Variants in NELL2 observed in about 807,000 individuals in gnomAD.
NELL2 encodes protein kinase C-binding protein NELL2.
NELL2 carries 41 observed loss-of-function variants against 109.6 expected under a neutral mutation model. The observed-to-expected ratio is 0.37, with a 90% CI of 0.29 to 0.49. The LOEUF is 0.49. NELL2 is among the 20% of genes least tolerant of loss of function. The pLI is 0.98. For missense variants in NELL2, 900 were observed against 1,008.3 expected, an observed-to-expected ratio of 0.89 and a Z score of 1.45; for synonymous variants, 355 against 344.7, an observed-to-expected ratio of 1.03 and a Z score of -0.33.
chr12:44,513,448 T>C (rs1941090557), intron 19 of NELL2, among the ~76,000 whole-genome samples: 2 of 151,742 alleles, frequency 1.3e-5, no homozygotes, highest in Non-Finnish European at 2.9e-5. Context: ...GAATGGAAAA[T>C]GACTCGAAGA....
At chr12:44,731,771 A>C (rs1939383004) in intron 9 of NELL2, among the ~76,000 whole-genome samples, 1 of 152,056 alleles carries the variant, frequency 6.6e-6, no homozygotes, top group Admixed American at 6.5e-5. Flanking sequence ...AAATAAATAA[A>C]AGGCATCCAA....
intron 5 of NELL2, among the ~76,000 whole-genome samples, chr12:44,778,911 T>G (rs902602021): frequency 7.9e-5 from 12 of 152,186 alleles, no homozygotes; most frequent in Admixed American, 1.3e-4. Flanking sequence ...ACAATTAAAT[T>G]CACTGGTATG....
At chr12:44,680,803 C>T (rs960228823) in intron 12 of NELL2, among the ~76,000 whole-genome samples, 1 of 152,128 alleles carries the variant, frequency 6.6e-6, no homozygotes, top group African/African-American at 2.4e-5. Context: ...CTGCTTCCCC[C>T]AAATCGCAGT....
intron 1 of NELL2, among the ~76,000 whole-genome samples, chr12:44,909,075 G>C (rs1945750919): frequency 6.6e-6 from 1 of 151,840 alleles, no homozygotes. Context: ...GGAAGTCCTA[G>C]ATAGAGCAAT....
chr12:44,648,125 T>C (rs554630628), intron 13 of NELL2, among the ~76,000 whole-genome samples: 8 of 152,134 alleles, frequency 5.3e-5, no homozygotes, highest in Non-Finnish European at 7.4e-5. Context: ...GGGAGAGATA[T>C]AGGGCTGGAC....
At position 44,881,510 on chromosome 12, in the gene NELL2, G is replaced by T. The variant is rs575767555; in HGVS notation, c.39-5610C>A. Among the ~76,000 whole-genome samples, 16 of 151,990 alleles carry T rather than the reference G, an allele frequency of 1.1e-4. No individual in the cohort carries two copies. The South Asian group carries it at 3.1e-3, about 30-fold the overall frequency. On this transcript the variant is annotated intron_variant, in intron 1 of 20. Coordinates refer to the NELL2 transcript ENST00000333837. ...ACAAATAAACAAACAAAAATCATTAGAATGGGCCCAGTAGCTGAATGAAAA... is the reference window on the plus strand; with the variant it reads ...ACAAATAAACAAACAAAAATCATTATAATGGGCCCAGTAGCTGAATGAAAA...
intron 2 of NELL2, among the ~76,000 whole-genome samples, chr12:44,850,292 T>TA (rs1944495696): frequency 1.3e-5 from 2 of 152,224 alleles, no homozygotes; most frequent in Non-Finnish European, 2.9e-5. Context: ...TGCAAATTTA[T>TA]AAAAAATTCC....
chr12:44,679,510 A>G (rs1420096877), intron 12 of NELL2, among the ~76,000 whole-genome samples: 3 of 152,150 alleles, frequency 2.0e-5, no homozygotes, highest in Non-Finnish European at 2.9e-5. Context: ...GTTCATATGC[A>G]TTGTATGTTA....
upstream of NELL2, among the ~76,000 whole-genome samples, chr12:44,915,001 C>T (rs1353700819): frequency 6.7e-6 from 1 of 150,302 alleles, no homozygotes; most frequent in Non-Finnish European, 1.5e-5. Flanking sequence ...AGGCACTCGC[C>T]ACCACGCCCG....
intron 3 of NELL2, among the ~76,000 whole-genome samples, chr12:44,811,590 C>T (rs1343168676): frequency 6.6e-6 from 1 of 151,970 alleles, no homozygotes; most frequent in Non-Finnish European, 1.5e-5. Context: ...TATTTATACT[C>T]CTATCGCTTT....
chr12:44,585,131 A>G (rs1051049422), intron 15 of NELL2, among the ~76,000 whole-genome samples: 2 of 152,314 alleles, frequency 1.3e-5, no homozygotes, highest in African/African-American at 2.4e-5. Flanking sequence ...ACTTGCATAC[A>G]TCCTTTATGA....
At chr12:44,517,939 T>C (rs1941347797) in intron 19 of NELL2, among the ~76,000 whole-genome samples, 1 of 152,194 alleles carries the variant, frequency 6.6e-6, no homozygotes, top group African/African-American at 2.4e-5. Context: ...GAAGAATGCT[T>C]ACCTCTAATG....
intron 13 of NELL2, among the ~76,000 whole-genome samples, chr12:44,637,366 T>G (rs1241013308): frequency 6.6e-6 from 1 of 150,880 alleles, no homozygotes; most frequent in Non-Finnish European, 1.5e-5. Flanking sequence ...TATGAGGCAC[T>G]ATGCTACACG....
chr12:44,624,099 C>T (rs1946152825), intron 13 of NELL2, among the ~76,000 whole-genome samples: 1 of 152,082 alleles, frequency 6.6e-6, no homozygotes, highest in South Asian at 2.1e-4. Context: ...CAAAACTGCA[C>T]ATCCTGCACA....
chr12:44,782,568 C>T (rs1942003908), intron 3 of NELL2, among the ~76,000 whole-genome samples: 1 of 151,452 alleles, frequency 6.6e-6, no homozygotes, highest in South Asian at 2.1e-4. Context: ...TATATTGAAA[C>T]TATTAATCAA....
At chr12:44,760,561 G>A (rs1413390092) in intron 9 of NELL2, among the ~76,000 whole-genome samples, 1 of 152,050 alleles carries the variant, frequency 6.6e-6, no homozygotes, top group East Asian at 1.9e-4. Context: ...AATTAATAGA[G>A]AATGAGATAA....
At chr12:44,742,014 C>G (rs1040052706) in intron 9 of NELL2, among the ~76,000 whole-genome samples, 4 of 152,194 alleles carry the variant, frequency 2.6e-5, no homozygotes, top group African/African-American at 7.2e-5. Flanking sequence ...ACTGCCTCCT[C>G]AAGTGGGTCC....
chr12:44,529,592 A>G (rs1266721787), intron 16 of NELL2, among the ~76,000 whole-genome samples: 1 of 152,180 alleles, frequency 6.6e-6, no homozygotes, highest in Non-Finnish European at 1.5e-5. Flanking sequence ...GAGTGAAAGA[A>G]AAGGCCTGTA....
rs540011192 is a variant in NELL2, at chr12:44,745,737, G to C, written c.994+29010C>G. Among the ~76,000 whole-genome samples, 65 of 152,162 alleles carry C rather than the reference G, an allele frequency of 4.3e-4. 1 individual carries two copies. The South Asian group carries it at 4.6e-3, about 11-fold the overall frequency. ...ATAAAATACCTGGGAATCCAACTTAGAAGGGATGTGAAGGACCTCTTCAAG... is the reference window on the plus strand; with the variant it reads ...ATAAAATACCTGGGAATCCAACTTACAAGGGATGTGAAGGACCTCTTCAAG... On this transcript the variant is annotated intron_variant, in intron 9 of 19. Transcript: ENST00000429094.
Sources: allele counts gnomAD v4.1 joint callset (sites outside exome capture counted in the v4.1 genomes callset), GRCh38; gene constraint gnomAD v4.1.1; transcripts MANE v1.5; gene names NCBI Gene and HGNC (gene_info 2026-07-23, HGNC 2026-07-21).